The following PCDHA3 variants were observed in gnomAD, a reference collection of about 807,000 sequenced individuals.
The protein encoded by PCDHA3 is protocadherin alpha 3, also known as protocadherin alpha-3.
In PCDHA3, 41 loss-of-function variants were observed where a neutral mutation model predicts 62.2. The ratio of observed to expected loss-of-function variants is 0.66; its 90% CI spans 0.51 to 0.86. PCDHA3 has a LOEUF of 0.86. Among genes scored for constraint, PCDHA3 ranks in the 40% least tolerant of loss-of-function variants. PCDHA3 has a pLI of 0.00. For missense variants in PCDHA3, 1,304 were observed against 1,241.2 expected, an observed-to-expected ratio of 1.05 and a Z score of -0.76; for synonymous variants, 640 against 555.4, an observed-to-expected ratio of 1.15 and a Z score of -2.14.
Position 140,802,074 on chromosome 5 carries a change from T to C in PCDHA3, c.877T>C (p.Phe293Leu). 6.2e-7 allele frequency: 1 copy of C among 1,614,184 alleles called. No homozygotes were observed. Among genetic ancestry groups the C allele is most frequent in the Non-Finnish European group, 8.5e-7 (1 of 1,180,032 alleles). The change falls in exon 1 of 4, where the codon TTC becomes CTC. Residue 293 changes from phenylalanine (F) to leucine (L), a missense_variant. Coordinates refer to ENST00000522353, the MANE Select transcript of PCDHA3 (RefSeq NM_018906.3). ...TDMSADILSK[F>L]HLDPVNGQIS... ...CATGTCAGCAGATATTCTGTCAAAA[T>C]TCCATTTAGATCCAGTCAATGGACA...
intron 1 of PCDHA3, among the ~76,000 whole-genome samples, chr5:140,886,622 C>T (rs1483241958): frequency 6.6e-6 from 1 of 151,430 alleles, no homozygotes; most frequent in Non-Finnish European, 1.5e-5. Context: ...GATCAGGAGT[C>T]CGAGACCAGC....
At chr5:140,887,928 A>G (rs1345223604) in intron 1 of PCDHA3, among the ~76,000 whole-genome samples, 1 of 152,138 alleles carries the variant, frequency 6.6e-6, no homozygotes, top group Non-Finnish European at 1.5e-5. Flanking sequence ...TTCAGAGACC[A>G]TATTTATTTC....
At chr5:140,869,882 T>C (rs1181573683) in intron 1 of PCDHA3, 1 of 1,610,250 alleles carries the variant, frequency 6.2e-7, no homozygotes, top group African/African-American at 1.3e-5. Flanking sequence ...AAAGAAACTC[T>C]TGTGCTCAAA....
At chr5:140,890,822 A>G (rs1044008204) in intron 1 of PCDHA3, among the ~76,000 whole-genome samples, 1 of 152,186 alleles carries the variant, frequency 6.6e-6, no homozygotes, top group Non-Finnish European at 1.5e-5. Context: ...TTTTAAATGT[A>G]CTTACATATT....
chr5:141,003,741 A>G (rs1291595687), intron 3 of PCDHA3, among the ~76,000 whole-genome samples: 5 of 152,180 alleles, frequency 3.3e-5, no homozygotes, highest in South Asian at 2.1e-4. Flanking sequence ...AAGCAAAACC[A>G]TATTTTGTAT....
chr5:140,845,820 T>C (rs1305062554), intron 1 of PCDHA3, among the ~76,000 whole-genome samples: 1 of 149,606 alleles, frequency 6.7e-6, no homozygotes, highest in African/African-American at 2.4e-5. Flanking sequence ...ATAATAAAAT[T>C]TAGTTATTAC....
At chr5:140,917,397 C>T (rs1606123) in intron 1 of PCDHA3, among the ~76,000 whole-genome samples, 6,084 of 150,666 alleles carry the variant, frequency 0.04, 137 homozygotes, top group Non-Finnish European at 0.052. Context: ...TGTGCAGAAG[C>T]TCTTTAGTTT....
At chr5:140,829,784 C>T (rs2150174658) in intron 1 of PCDHA3, 2 of 1,613,724 alleles carry the variant, frequency 1.2e-6, no homozygotes, top group Non-Finnish European at 1.7e-6. Context: ...CGCGCCGGCG[C>T]TGCTGGCGCC....
At chr5:140,838,642 A>G (rs1255471339) in intron 1 of PCDHA3, among the ~76,000 whole-genome samples, 7 of 152,060 alleles carry the variant, frequency 4.6e-5, no homozygotes, top group African/African-American at 1.5e-4. Context: ...GTTGGTCAAA[A>G]AAATGATAGT....
intron 1 of PCDHA3, among the ~76,000 whole-genome samples, chr5:140,909,158 A>G (rs2074345366): frequency 6.6e-6 from 1 of 152,338 alleles, no homozygotes; most frequent in Non-Finnish European, 1.5e-5. Flanking sequence ...TATGGAAGGG[A>G]AAATCAATCA....
At chr5:140,999,049 A>G (rs962383659) in intron 3 of PCDHA3, among the ~76,000 whole-genome samples, 2 of 152,332 alleles carry the variant, frequency 1.3e-5, no homozygotes, top group Non-Finnish European at 2.9e-5. Context: ...TGTGCTTTCC[A>G]CCATGCCTAA....
At chr5:140,871,003 C>G (rs782654281) in intron 1 of PCDHA3, 3 of 1,613,416 alleles carry the variant, frequency 1.9e-6, no homozygotes, top group Non-Finnish European at 2.5e-6. Flanking sequence ...AAGCACAACG[C>G]GTGCCCTGGA....
rs115463013 is a variant in PCDHA3, at chr5:140,809,401, G to C, written c.2394+5810G>C. ...GCGCGTGCGCTCCGGGCAAGCCCAC[G>C]CTGGTGTGCTCCAGTGCGGTGGGGA... is the stretch of plus-strand genomic sequence containing the variant. On this transcript the variant is annotated intron_variant, in intron 1 of 3. Coordinates refer to ENST00000522353, the MANE Select transcript of PCDHA3 (RefSeq NM_018906.3). 672 of 1,614,182 alleles carry C rather than the reference G, an allele frequency of 4.2e-4. 1 individual carries two copies. The African/African-American group carries it at 8.0e-3, about 19-fold the overall frequency.
chr5:140,857,278 C>A lies in PCDHA3; in HGVS notation c.2394+53687C>A, dbSNP rs541123870. On this transcript the variant is annotated intron_variant, in intron 1 of 3. Transcript: ENST00000522353. ...ATTACTACTCATTGGTGCTGGACAGCGCTCTGGACCGCGAGAGGGTGTCGG... is the reference window on the plus strand; with the variant it reads ...ATTACTACTCATTGGTGCTGGACAGAGCTCTGGACCGCGAGAGGGTGTCGG... The A allele has an allele frequency of 1.8e-5, 29 of 1,598,570 alleles. 3 individuals are homozygous for A. The highest frequency in any genetic ancestry group is 1.7e-4 in the Middle Eastern group (1 of 5,938).
rs781883324 is a variant in PCDHA3 at position 140,927,514 on chromosome 5, G to A, written c.2395-51435G>A. 3.2e-5 allele frequency: 52 copies of A among 1,613,938 alleles called. No individual in the cohort carries two copies. The highest frequency in any genetic ancestry group is 4.2e-5 in the Non-Finnish European group (49 of 1,180,040). ...CCTGCTGGTGCTTACAGCTCGGGAC[G>A]GCGGGCTACCTGCCCGCTCAGGAGA... On this transcript the variant is annotated intron_variant, in intron 1 of 3. Coordinates refer to ENST00000522353, the MANE Select transcript of PCDHA3 (RefSeq NM_018906.3).
chr5:140,849,480 C>G (rs1554142971), intron 1 of PCDHA3: 1 of 1,590,328 alleles, frequency 6.3e-7, no homozygotes, highest in African/African-American at 1.4e-5. Context: ...AGGCTTCCCA[C>G]CCCTGGCTGG....
At chr5:140,824,610 G>GT (rs2150135229) in intron 1 of PCDHA3, 42,955 of 94,730 alleles carry the variant, frequency 0.45, 12,425 homozygotes, top group South Asian at 0.52. Flanking sequence ...GCTAATTAAA[G>GT]TTTTTTTTTT....
chr5:140,935,952 G>C (rs1554210758), intron 1 of PCDHA3, among the ~76,000 whole-genome samples: 3 of 148,522 alleles, frequency 2.0e-5, no homozygotes, highest in Non-Finnish European at 4.4e-5. Flanking sequence ...GAGTAAAGTG[G>C]TACAATCTTG....
chr5:140,971,568 G>C (rs2096486593), intron 1 of PCDHA3, among the ~76,000 whole-genome samples: 1 of 152,074 alleles, frequency 6.6e-6, no homozygotes, highest in African/African-American at 2.4e-5. Flanking sequence ...CCCATGTTGG[G>C]CTTTCTTTTT....
Sources: gnomAD v4.1 joint callset for allele counts (sites outside exome capture counted in the v4.1 genomes callset) on GRCh38, gnomAD v4.1.1 for gene constraint, MANE v1.5 for transcripts, NCBI Gene and HGNC (gene_info 2026-07-23, HGNC 2026-07-21) for gene names.